The following POFUT1 variants were observed in gnomAD, a reference collection of about 807,000 sequenced individuals.
The protein encoded by POFUT1 is protein O-fucosyltransferase 1, also known as GDP-fucose protein O-fucosyltransferase 1.
POFUT1 carries 16 observed loss-of-function variants against 42.4 expected under a neutral mutation model. The ratio of observed to expected loss-of-function variants is 0.38; its 90% CI spans 0.26 to 0.57. The LOEUF is 0.57. Ranked by LOEUF, POFUT1 falls within the 20% of genes least tolerant of loss-of-function variation. The probability of loss-of-function intolerance (pLI) is 0.71; values close to 1 mark genes in which losing one functional copy is unlikely to be tolerated. For missense variants in POFUT1, 470 were observed against 504.6 expected (o/e 0.93, Z 0.66); for synonymous variants, 206 against 205.4 (o/e 1.00, Z -0.03).
In POFUT1 at chr20:32,237,403, A is replaced by T. The variant is rs2047476927; in HGVS notation, c.*2742A>T. On this transcript the variant is annotated 3_prime_UTR_variant, in exon 7 of 7. Transcript: ENST00000375749. ...AAAAGAGGGAGTGGATCTATTTTAG[A>T]TGAGCCCAGGTAAGACCTCTCTGAA... is the stretch of plus-strand genomic sequence containing the variant. 6.1e-6 allele frequency: 1 copy of T among 164,742 alleles called. No individual in the cohort carries two copies. Among genetic ancestry groups the T allele is most frequent in the Admixed American group, 5.8e-5 (1 of 17,162 alleles). 10.2% of individuals were successfully genotyped at this position (164,742 alleles called of 1,614,324 possible). A position where few individuals can be genotyped will look rare whatever the true frequency, so the allele number is the denominator to read the frequency against.
chr20:32,232,319 G>T (rs2047447683), intron 6 of POFUT1, among the ~76,000 whole-genome samples: 1 of 151,880 alleles, frequency 6.6e-6, no homozygotes, highest in South Asian at 2.1e-4. Context: ...AAAAAAGAAA[G>T]AAAGAAAGAA....
intron 4 of POFUT1, among the ~76,000 whole-genome samples, chr20:32,219,114 A>G (rs1303889647): frequency 6.6e-6 from 1 of 152,214 alleles, no homozygotes; most frequent in Non-Finnish European, 1.5e-5. Context: ...CAGAATAAGG[A>G]CATGAACAAG....
intron 3 of POFUT1, 40 bp from the exon 4 acceptor site, chr20:32,216,569 C>A: frequency 7.5e-7 from 1 of 1,330,586 alleles, no homozygotes; most frequent in Non-Finnish European, 1.1e-6. Flanking sequence ...AATGGCTTTC[C>A]CTCCCCATCA....
At chr20:32,223,173 C>T (rs559096047) in intron 4 of POFUT1, 1 of 985,442 alleles carries the variant, frequency 1.0e-6, no homozygotes, top group South Asian at 4.7e-5. Context: ...CTGGGCCCAG[C>T]AGCAGGAAAG....
intron 4 of POFUT1, chr20:32,223,069 T>G: frequency 8.1e-6 from 8 of 985,420 alleles, no homozygotes; most frequent in Non-Finnish European, 9.6e-6. Flanking sequence ...AGATACATAC[T>G]GGACACATAA....
intron 3 of POFUT1, 35 bp downstream of exon 3, chr20:32,215,486 G>A (rs758759379): frequency 5.7e-6 from 9 of 1,570,422 alleles, no homozygotes; most frequent in East Asian, 2.3e-5. Context: ...CTTTCTTCCT[G>A]TTCCATGTCC....
In POFUT1 at chr20:32,230,982, C is replaced by T. The variant is rs752809888; in HGVS notation, c.899C>T (p.Ser300Leu). 69 of 1,614,182 alleles carry T rather than the reference C, an allele frequency of 4.3e-5. 1 individual carries two copies. In the South Asian group the frequency reaches 7.2e-4, roughly 17 times the overall value. ...AGGGCTGTGAAGCTCTGGGTGAGGT[C>T]GCTGGATGCCCAGTCGGTCTACGTT... is the stretch of plus-strand genomic sequence containing the variant. Reference protein sequence around the residue: ...IQRAVKLWVRSLDAQSVYVAT... With the variant: ...IQRAVKLWVRLLDAQSVYVAT... Residue 300 changes from serine to leucine, a missense_variant, in exon 6 of 7, where the codon TCG (serine) becomes TTG (leucine). By Grantham distance (145) the Ser-to-Leu change is moderately radical. Transcript: ENST00000375749.
intron 4 of POFUT1, chr20:32,223,296 C>T (rs953231919): frequency 4.1e-6 from 4 of 985,296 alleles, no homozygotes; most frequent in South Asian, 4.7e-5. Context: ...CTGTTCCCCC[C>T]TCATTCTTTC....
intron 4 of POFUT1, among the ~76,000 whole-genome samples, chr20:32,220,188 AC>A (rs2047384312): frequency 1.3e-5 from 2 of 152,240 alleles, no homozygotes; most frequent in Non-Finnish European, 2.9e-5. Flanking sequence ...GTATGTATAT[AC>A]CACATTTGTG....
chr20:32,219,037 C>T (rs975152881), intron 4 of POFUT1, among the ~76,000 whole-genome samples: 4 of 152,166 alleles, frequency 2.6e-5, no homozygotes, highest in Non-Finnish European at 5.9e-5. Context: ...GCCTGTCTTC[C>T]TTCAACACAT....
chr20:32,228,797 T>G (rs145838026), intron 5 of POFUT1, among the ~76,000 whole-genome samples: 1 of 152,190 alleles, frequency 6.6e-6, no homozygotes, highest in African/African-American at 2.4e-5. Flanking sequence ...GACTCCGTGT[T>G]GAAAAACTGA....
chr20:32,208,181 G>A, intron 1 of POFUT1, 116 bp downstream of exon 1: 1 of 1,070,592 alleles, frequency 9.3e-7, no homozygotes. Flanking sequence ...CCTCAGAGCG[G>A]GACGGGGCAT....
rs1385736657 is a variant in POFUT1 at position 32,236,277 on chromosome 20, TGCCATCCACA to T, written c.*1620_*1629del. On this transcript the variant is annotated 3_prime_UTR_variant, in exon 7 of 7. Coordinates refer to ENST00000375749, the MANE Select transcript of POFUT1 (RefSeq NM_015352.2). Reference sequence around the variant, plus strand: ...GGCTGATTTCATTTTGGAATTCATTTGCCATCCACAGCCTTACACTAGGCACACACTTTAG... The same window carrying T: ...GGCTGATTTCATTTTGGAATTCATTTGCCTTACACTAGGCACACACTTTAG... 6.6e-6 allele frequency: 1 copy of T among 152,244 alleles called. No individual in the cohort carries two copies. Among genetic ancestry groups the T allele is most frequent in the Admixed American group, 6.5e-5 (1 of 15,282 alleles). The allele number at this position is 152,244 out of a possible 1,614,324, so 9.4% of individuals were successfully genotyped here. A position where few individuals can be genotyped will look rare whatever the true frequency, so the allele number is the denominator to read the frequency against.
chr20:32,232,982 C>G (rs1262864101), intron 6 of POFUT1, among the ~76,000 whole-genome samples: 1 of 152,198 alleles, frequency 6.6e-6, no homozygotes, highest in Non-Finnish European at 1.5e-5. Flanking sequence ...GGAAAAGAGA[C>G]TGCAGAGAGC....
At chr20:32,226,244 T>C (rs1482446380) in intron 4 of POFUT1, among the ~76,000 whole-genome samples, 1 of 152,220 alleles carries the variant, frequency 6.6e-6, no homozygotes, top group Non-Finnish European at 1.5e-5. Context: ...TAGTTTTTAT[T>C]TGAAATTTTC....
At chr20:32,208,230 G>A (rs938351328) in intron 1 of POFUT1, among the ~76,000 whole-genome samples, 165 bp downstream of exon 1, 27 of 152,272 alleles carry the variant, frequency 1.8e-4, no homozygotes, top group African/African-American at 6.0e-4. Context: ...GGGCACAGAG[G>A]GGCCAACGTG....
chr20:32,222,979 C>T, intron 4 of POFUT1: 1 of 984,952 alleles, frequency 1.0e-6, no homozygotes, highest in Non-Finnish European at 1.2e-6. Flanking sequence ...ATGGCAGGGA[C>T]ATCCAGAACA....
In POFUT1 at chr20:32,215,456, G is replaced by T. The variant is rs372622881; in HGVS notation, c.429+5G>T. On this transcript the variant is annotated splice_donor_5th_base_variant and intron_variant, in intron 3 of 6. Coordinates refer to ENST00000375749, the MANE Select transcript of POFUT1 (RefSeq NM_015352.2). ...AAGAAGACGTGCCCCATGAAGGTGG[G>T]TCCTGTGGGTTCGGGGGCCCTTTCT... The T allele has an allele frequency of 6.9e-6, 11 of 1,600,568 alleles. No individual in the cohort carries two copies. In the African/African-American group the frequency reaches 1.3e-4, roughly 19 times the overall value.
At chr20:32,232,217 C>T (rs2047447061) in intron 6 of POFUT1, among the ~76,000 whole-genome samples, 1 of 152,068 alleles carries the variant, frequency 6.6e-6, no homozygotes, top group Non-Finnish European at 1.5e-5. Flanking sequence ...TGGCTCATGC[C>T]TGTAATCCCA....
Sources: allele counts gnomAD v4.1 joint callset (sites outside exome capture counted in the v4.1 genomes callset), GRCh38; gene constraint gnomAD v4.1.1; transcripts MANE v1.5; gene names NCBI Gene and HGNC (gene_info 2026-07-23, HGNC 2026-07-21).